Variants in PIEZO2 observed in about 807,000 individuals in gnomAD.
PIEZO2 encodes piezo-type mechanosensitive ion channel component 2.
Under a neutral mutation model 337.3 loss-of-function variants are expected in PIEZO2, and 172 were observed. The ratio of observed to expected loss-of-function variants is 0.51; its 90% confidence interval spans 0.45 to 0.58. The LOEUF is 0.58. Among genes scored for constraint, PIEZO2 ranks in the 20% least tolerant of loss-of-function variants. The pLI is 0.00. For synonymous variants in PIEZO2, 1,251 were observed against 1,228.5 expected (o/e 1.02, Z -0.38); for missense variants, 3,028 against 3,391.3 (o/e 0.89, Z 2.66).
Position 10,770,317 on chromosome 18 carries a change from TAGG to T in PIEZO2, c.2786-12_2786-10del, listed in dbSNP as rs1251329404. 2.5e-5 allele frequency: 39 copies of T among 1,534,352 alleles called. No individual in the cohort carries two copies. The highest frequency in any genetic ancestry group is 3.0e-5 in the Non-Finnish European group (34 of 1,145,580). On this transcript the variant is annotated splice_polypyrimidine_tract_variant and intron_variant, in intron 20 of 55. Coordinates refer to ENST00000674853, the MANE Select transcript of PIEZO2 (RefSeq NM_001378183.1). ...CCATTTGTTCCTTAAGTCTGCAAAA[TAGG>T]AAGTACAGACAAGAGCATAACATTT...
intron 43 of PIEZO2, among the ~76,000 whole-genome samples, chr18:10,700,444 A>G (rs1011021224): frequency 6.6e-6 from 1 of 151,878 alleles, no homozygotes; most frequent in Non-Finnish European, 1.5e-5. Flanking sequence ...ACATAATGCC[A>G]TTACCTCAAA....
chr18:10,998,294 A>C (rs2035401776), intron 2 of PIEZO2, among the ~76,000 whole-genome samples: 1 of 152,076 alleles, frequency 6.6e-6, no homozygotes, highest in Non-Finnish European at 1.5e-5. Flanking sequence ...GGAATTCATG[A>C]AATGAAGAAG....
chr18:11,074,918 G>A (rs1224373663), intron 1 of PIEZO2, among the ~76,000 whole-genome samples: 1 of 152,196 alleles, frequency 6.6e-6, no homozygotes, highest in Non-Finnish European at 1.5e-5. Context: ...TGCTCTCAGA[G>A]CTAAATTTTT....
At position 10,726,600 on chromosome 18, in the gene PIEZO2, C is replaced by T. The variant is rs956154686; in HGVS notation, c.5029+4807G>A. 75 of 1,358,120 alleles carry T rather than the reference C, an allele frequency of 5.5e-5. No homozygotes were observed. In the South Asian group the frequency reaches 1.1e-3, roughly 19 times the overall value. 84.1% of individuals were successfully genotyped at this position (1,358,120 alleles called of 1,614,324 possible). On this transcript the variant is annotated intron_variant, in intron 36 of 55. Coordinates refer to ENST00000674853, the MANE Select transcript of PIEZO2 (RefSeq NM_001378183.1). This position sits in a 1 kb window ranked among gnomAD's most constrained non-coding sequence, Gnocchi z 5.9. ...GCCAGCTCTTCCAGGACCTGGCGCG[C>T]TACGTGCGGGACGCCGACGTGCGCT...
intron 39 of PIEZO2, among the ~76,000 whole-genome samples, chr18:10,712,854 C>A (rs2298743): frequency 0.098 from 14,939 of 152,184 alleles, 1,256 homozygotes; most frequent in East Asian, 0.21. Flanking sequence ...TTAGGAAATA[C>A]ATGTTTGACC....
In PIEZO2 at chr18:10,767,902, G is replaced by C. The variant is rs1367698221; in HGVS notation, c.2946+2246C>G. Among the ~76,000 whole-genome samples, 1 of 152,196 alleles carries C rather than the reference G, an allele frequency of 6.6e-6. No individual in the cohort carries two copies. Among genetic ancestry groups the C allele is most frequent in the Non-Finnish European group, 1.5e-5 (1 of 68,040 alleles). ...GGAGCCTCCAGGAGGGCAAGGGCAG[G>C]TTTACCCGCCAGTTGCCAGCCCAGA... On this transcript the variant is annotated intron_variant, in intron 21 of 55. Coordinates refer to ENST00000674853, the MANE Select transcript of PIEZO2 (RefSeq NM_001378183.1). This position sits in a 1 kb window ranked among gnomAD's most constrained non-coding sequence, Gnocchi z 4.2.
At chr18:10,931,523 T>C (rs1356287104) in intron 3 of PIEZO2, among the ~76,000 whole-genome samples, 1 of 152,174 alleles carries the variant, frequency 6.6e-6, no homozygotes, top group East Asian at 1.9e-4. Context: ...TTTAATAGAC[T>C]CTAGAACTTA....
intron 3 of PIEZO2, among the ~76,000 whole-genome samples, chr18:10,974,651 C>T (rs991598706): frequency 6.6e-6 from 1 of 152,230 alleles, no homozygotes; most frequent in Admixed American, 6.5e-5. Flanking sequence ...CGTGCTCAGA[C>T]TCCAGCTGAG....
At chr18:10,901,436 A>ATG (rs2043046282) in intron 4 of PIEZO2, among the ~76,000 whole-genome samples, 1 of 149,394 alleles carries the variant, frequency 6.7e-6, no homozygotes, top group African/African-American at 2.5e-5. Context: ...ACACGCACAC[A>ATG]CACACACACA....
intron 33 of PIEZO2, chr18:10,737,756 A>T (rs1314078547): frequency 6.6e-6 from 1 of 152,224 alleles, no homozygotes; most frequent in Admixed American, 6.5e-5. Flanking sequence ...TACATTTCTG[A>T]TGCTACAAGC....
At position 11,110,383 on chromosome 18, in the gene PIEZO2, C is replaced by T. The variant is rs1197448565; in HGVS notation, c.64+38142G>A. 6.6e-6 allele frequency among the ~76,000 whole-genome samples: 1 copy of T among 152,182 alleles called. No individual in the cohort carries two copies. The highest frequency in any genetic ancestry group is 1.5e-5 in the Non-Finnish European group (1 of 68,036). On this transcript the variant is annotated intron_variant, in intron 1 of 55. Coordinates refer to ENST00000674853, the MANE Select transcript of PIEZO2 (RefSeq NM_001378183.1). This position sits in a 1 kb window ranked among gnomAD's most constrained non-coding sequence, Gnocchi z 4.2. Reference sequence around the variant, plus strand: ...TTAAGAAGACAGTAGAAAGATCATCCCACCCTGGGAGTTGGGCCTCCCCCG... The same window carrying T: ...TTAAGAAGACAGTAGAAAGATCATCTCACCCTGGGAGTTGGGCCTCCCCCG...
In PIEZO2 at chr18:10,953,871, G is replaced by T. The variant is rs2033406930; in HGVS notation, c.286+25664C>A. On this transcript the variant is annotated intron_variant, in intron 3 of 55. Transcript: ENST00000674853. This position sits in a 1 kb window ranked among gnomAD's most constrained non-coding sequence, Gnocchi z 5.2. ...AGGCTTTGAATATCAACAGCACAGG[G>T]TGCCCCTGGTTACTATGTGAGGACG... 6.6e-6 allele frequency among the ~76,000 whole-genome samples: 1 copy of T among 152,096 alleles called. No individual in the cohort carries two copies. Among genetic ancestry groups the T allele is most frequent in the Non-Finnish European group, 1.5e-5 (1 of 68,048 alleles).
intron 7 of PIEZO2, among the ~76,000 whole-genome samples, chr18:10,809,276 T>C (rs1370405824): frequency 1.5e-4 from 20 of 133,048 alleles, no homozygotes; most frequent in African/African-American, 6.0e-4. Context: ...TTTTTTTTTT[T>C]TTTTTTTTTT....
chr18:10,935,638 A>ACC (rs2032351540), intron 3 of PIEZO2, among the ~76,000 whole-genome samples: 3 of 152,356 alleles, frequency 2.0e-5, no homozygotes, highest in Admixed American at 2.0e-4. Context: ...CTGGATTAGA[A>ACC]CCATGAACAA....
chr18:11,044,686 C>A (rs1484888231), intron 2 of PIEZO2, among the ~76,000 whole-genome samples: 2 of 152,118 alleles, frequency 1.3e-5, no homozygotes, highest in African/African-American at 4.8e-5. Flanking sequence ...ACAGTTGATT[C>A]TTGTTATTCA....
chr18:10,749,980 C>A, intron 29 of PIEZO2, 111 bp downstream of exon 29: 1 of 760,790 alleles, frequency 1.3e-6, no homozygotes, highest in Non-Finnish European at 2.2e-6. Context: ...CTGGAGAAAA[C>A]TGACCCCACT....
Position 10,988,130 on chromosome 18 carries a change from G to A in PIEZO2, c.161-8470C>T, listed in dbSNP as rs1393205814. Reference sequence around the variant, plus strand: ...TTGAGCTCTCAGGTATAAGATTAGGGTCTCTATAAGTGTTGAGAAAATGTA... The same window carrying A: ...TTGAGCTCTCAGGTATAAGATTAGGATCTCTATAAGTGTTGAGAAAATGTA... On this transcript the variant is annotated intron_variant, in intron 2 of 55. Coordinates refer to ENST00000674853, the MANE Select transcript of PIEZO2 (RefSeq NM_001378183.1). This position sits in a 1 kb window ranked among gnomAD's most constrained non-coding sequence, Gnocchi z 4.8. 6.6e-6 allele frequency among the ~76,000 whole-genome samples: 1 copy of A among 151,898 alleles called. No individual in the cohort carries two copies. Among genetic ancestry groups the A allele is most frequent in the East Asian group, 1.9e-4 (1 of 5,188 alleles).
intron 4 of PIEZO2, among the ~76,000 whole-genome samples, chr18:10,884,677 G>A (rs1292240632): frequency 6.6e-6 from 1 of 152,180 alleles, no homozygotes; most frequent in Non-Finnish European, 1.5e-5. Context: ...AGTGAACACA[G>A]TGCATCACAT....
chr18:10,733,448 ATTTT>A (rs34583213), intron 35 of PIEZO2, among the ~76,000 whole-genome samples: 1 of 128,302 alleles, frequency 7.8e-6, no homozygotes. Flanking sequence ...AAACTTCCCA[ATTTT>A]TTTTTTTTTT....
Sources: allele counts gnomAD v4.1 joint callset (sites outside exome capture counted in the v4.1 genomes callset), GRCh38; gene constraint gnomAD v4.1.1; non-coding constraint Gnocchi (gnomAD v3.1); transcripts MANE v1.5; gene names NCBI Gene and HGNC (gene_info 2026-07-23, HGNC 2026-07-21).